The following CCDC33 variants were observed in gnomAD, a reference collection of about 807,000 sequenced individuals.
CCDC33 encodes the protein coiled-coil domain-containing protein 33.
Under a neutral mutation model 91.9 loss-of-function variants are expected in CCDC33, and 94 were observed. That is an observed-to-expected ratio of 1.02 (90% confidence interval 0.87 to 1.21). The LOEUF (loss-of-function observed/expected upper bound fraction) is 1.21. Among genes scored for constraint, CCDC33 ranks in the 50% most tolerant of loss-of-function variants. The pLI is 0.00. For missense variants in CCDC33, 940 were observed against 935.5 expected (o/e 1.00, Z -0.06); for synonymous variants, 396 against 374.5 (o/e 1.06, Z -0.66).
intron 11 of CCDC33, among the ~76,000 whole-genome samples, chr15:74,325,942 G>A (rs1567036508): frequency 6.6e-6 from 1 of 152,024 alleles, no homozygotes; most frequent in African/African-American, 2.4e-5. Flanking sequence ...CTCCTCCTTC[G>A]TGGGAACTGG....
chr15:74,236,614 G>C lies in CCDC33; in HGVS notation c.-106G>C. On this transcript the variant is annotated 5_prime_UTR_variant, in exon 1 of 19. Coordinates refer to ENST00000398814, the MANE Select transcript of CCDC33 (RefSeq NM_025055.5). The stretch of plus-strand genomic sequence containing the variant: ...CTACTACCCATAAGGACTCCAAGAC[G>C]CCCAGGCCAGCTGTCTGGGCAGGAC... 9.7e-7 allele frequency: 1 copy of C among 1,027,318 alleles called. No homozygotes were observed. Among genetic ancestry groups the C allele is most frequent in the Non-Finnish European group, 1.5e-6 (1 of 681,482 alleles). The allele number at this position is 1,027,318 out of a possible 1,614,324, so 63.6% of individuals were successfully genotyped here. A position where few individuals can be genotyped will look rare whatever the true frequency, so the allele number is the denominator to read the frequency against.
intron 5 of CCDC33, among the ~76,000 whole-genome samples, chr15:74,269,087 C>T (rs953248560): frequency 6.6e-6 from 1 of 151,946 alleles, no homozygotes; most frequent in Admixed American, 6.6e-5. Flanking sequence ...TCACCATCCA[C>T]CCCCTAGGCC....
At chr15:74,285,707 T>C (rs1401260644) in intron 10 of CCDC33, among the ~76,000 whole-genome samples, 1 of 151,986 alleles carries the variant, frequency 6.6e-6, no homozygotes, top group Non-Finnish European at 1.5e-5. Context: ...ATATTGCACT[T>C]GAAGGTGGTT....
chr15:74,229,883 C>T (rs956801076), intron 2 of CCDC33, among the ~76,000 whole-genome samples: 12 of 152,282 alleles, frequency 7.9e-5, no homozygotes, highest in African/African-American at 2.9e-4. Flanking sequence ...GAGAAGCCCA[C>T]AGTGGATCAT....
intron 2 of CCDC33, chr15:74,221,476 G>A: frequency 9.9e-6 from 2 of 201,654 alleles, no homozygotes; most frequent in Non-Finnish European, 1.8e-5. Context: ...TGCCAATGCT[G>A]GTCACAGCAT....
rs372637551 is a variant in CCDC33 at position 74,330,295 on chromosome 15, G to A, written c.1397G>A (p.Arg466His). The change falls in exon 12 of 19, where the codon CGC (arginine) becomes CAC (histidine). Residue 466 changes from arginine to histidine, a missense_variant. Coordinates refer to ENST00000398814, the MANE Select transcript of CCDC33 (RefSeq NM_025055.5). ...LEGENRILRS[R>H]LAQQEEEEGQ... is the part of the protein sequence containing the mutation. ...GGAGAGAACCGCATACTGAGGAGCCGCCTGGCCCAGCAGGAGGAGGAAGAG... is the reference window on the plus strand; with the variant it reads ...GGAGAGAACCGCATACTGAGGAGCCACCTGGCCCAGCAGGAGGAGGAAGAG... 21 of 1,611,086 alleles carry A rather than the reference G, an allele frequency of 1.3e-5. No homozygotes were observed. The highest frequency in any genetic ancestry group is 5.5e-5 in the South Asian group (5 of 90,810).
intron 2 of CCDC33, among the ~76,000 whole-genome samples, chr15:74,256,157 G>T (rs1206692492): frequency 2.0e-5 from 3 of 152,110 alleles, no homozygotes; most frequent in Non-Finnish European, 4.4e-5. Flanking sequence ...CTCATCCTTT[G>T]CCCACAGTCT....
At chr15:74,271,385 C>A (rs2076311964) in intron 5 of CCDC33, among the ~76,000 whole-genome samples, 1 of 152,148 alleles carries the variant, frequency 6.6e-6, no homozygotes, top group Non-Finnish European at 1.5e-5. Flanking sequence ...GGTTAGAACA[C>A]AACCTCCCTT....
intron 1 of CCDC33, among the ~76,000 whole-genome samples, chr15:74,240,344 G>C (rs376313368): frequency 1.3e-5 from 2 of 152,282 alleles, no homozygotes; most frequent in South Asian, 2.1e-4. Flanking sequence ...AGAGCCCCTG[G>C]ACAATGGTCT....
intron 11 of CCDC33, among the ~76,000 whole-genome samples, chr15:74,314,915 C>T (rs1178907933): frequency 6.6e-6 from 1 of 152,256 alleles, no homozygotes; most frequent in Admixed American, 6.5e-5. Context: ...AGCCCACAGC[C>T]AGGCAGGGCC....
chr15:74,269,042 GC>G (rs2142413425), intron 5 of CCDC33, among the ~76,000 whole-genome samples: 1 of 152,320 alleles, frequency 6.6e-6, no homozygotes, highest in Admixed American at 6.5e-5. Context: ...ACAGGGCTGA[GC>G]CCACCTTGGG....
intron 11 of CCDC33, among the ~76,000 whole-genome samples, chr15:74,321,881 A>G (rs1329307385): frequency 6.6e-6 from 1 of 152,112 alleles, no homozygotes; most frequent in Non-Finnish European, 1.5e-5. Flanking sequence ...CCTGCCATCA[A>G]GGTCTTTAGG....
At chr15:74,205,721 A>G (rs2074244990) in intron 1 of CCDC33, among the ~76,000 whole-genome samples, 1 of 152,236 alleles carries the variant, frequency 6.6e-6, no homozygotes, top group South Asian at 2.1e-4. Flanking sequence ...AAGGGACCCC[A>G]GCTGAGCCCA....
chr15:74,332,928 C>T, intron 16 of CCDC33, 83 bp downstream of exon 16: 1 of 1,510,400 alleles, frequency 6.6e-7, no homozygotes, highest in Non-Finnish European at 8.9e-7. Flanking sequence ...AGTTGAAGAT[C>T]AAGACCAGGA....
intron 11 of CCDC33, among the ~76,000 whole-genome samples, chr15:74,297,554 CTTG>C (rs1387459548): frequency 1.3e-5 from 2 of 152,102 alleles, no homozygotes; most frequent in Non-Finnish European, 2.9e-5. Context: ...ATTAGCTGGA[CTTG>C]TTGGTGCACG....
upstream of CCDC33, among the ~76,000 whole-genome samples, chr15:74,235,521 C>A (rs544571325): frequency 5.1e-4 from 77 of 152,272 alleles, no homozygotes; most frequent in African/African-American, 1.8e-3. Flanking sequence ...CTGCCCAGTA[C>A]CCCAAATCCC....
chr15:74,262,333 T>C (rs2076047452), intron 2 of CCDC33, 107 bp from the exon 3 acceptor site: 2 of 1,423,322 alleles, frequency 1.4e-6, no homozygotes, highest in Non-Finnish European at 1.9e-6. Context: ...GAGCTCTCCA[T>C]ATTCTGTCCA....
At chr15:74,234,114 G>A (rs1294549390), upstream of CCDC33, among the ~76,000 whole-genome samples, 4 of 152,212 alleles carry the variant, frequency 2.6e-5, no homozygotes, top group East Asian at 7.7e-4. Flanking sequence ...TTGCTGTCCA[G>A]CCAGCAAGAT....
intron 11 of CCDC33, among the ~76,000 whole-genome samples, chr15:74,313,415 C>CTTTTTTTT (rs35519774): frequency 8.5e-5 from 8 of 94,178 alleles, no homozygotes; most frequent in Admixed American, 1.3e-4. Context: ...TTCTTTCTTT[C>CTTTTTTTT]TTTTTTTTTT....
Sources: allele counts gnomAD v4.1 joint callset (sites outside exome capture counted in the v4.1 genomes callset), GRCh38; gene constraint gnomAD v4.1.1; transcripts MANE v1.5; gene names NCBI Gene and HGNC (gene_info 2026-07-23, HGNC 2026-07-21).